Variants in ERC2 observed in about 807,000 individuals in gnomAD.
ERC2 encodes the protein ELKS/RAB6-interacting/CAST family member 2.
A neutral mutation model predicts 114.8 loss-of-function variants in ERC2; 42 were observed. That is an observed-to-expected ratio of 0.37 (90% CI 0.29 to 0.47). The LOEUF (loss-of-function observed/expected upper bound fraction) is 0.47. Ranked by LOEUF, ERC2 falls within the 20% of genes least tolerant of loss-of-function variation. The pLI is 0.99. For missense variants in ERC2, 939 were observed against 1,150.7 expected (o/e 0.82, Z 2.66); for synonymous variants, 454 against 425.5 (o/e 1.07, Z -0.82).
At position 55,985,962 on chromosome 3, in the gene ERC2, A is replaced by G. The variant is rs2070593223; in HGVS notation, c.2267+15T>C. The G allele has an allele frequency of 6.5e-7, 1 of 1,539,280 alleles. No individual in the cohort carries two copies. The highest frequency in any genetic ancestry group is 1.4e-5 in the African/African-American group (1 of 73,174). ...GGAGGGAAAGGCAGTTAGAAGAAAAACTGAAATTACTGACCTGAGAGTCAA... is the reference window on the plus strand; with the variant it reads ...GGAGGGAAAGGCAGTTAGAAGAAAAGCTGAAATTACTGACCTGAGAGTCAA... On this transcript the variant is annotated intron_variant, in intron 12 of 17. Coordinates refer to ENST00000288221, the MANE Select transcript of ERC2 (RefSeq NM_015576.3).
chr3:56,223,308 T>G (rs1446059108), intron 3 of ERC2, among the ~76,000 whole-genome samples: 1 of 152,156 alleles, frequency 6.6e-6, no homozygotes, highest in Non-Finnish European at 1.5e-5. Flanking sequence ...CTTGCTGGCA[T>G]TGTGGTGGGA....
chr3:56,238,325 T>C (rs2051100908), intron 3 of ERC2, among the ~76,000 whole-genome samples: 1 of 152,214 alleles, frequency 6.6e-6, no homozygotes, highest in South Asian at 2.1e-4. Context: ...CAGATAACTC[T>C]GTTGTCTCCC....
At chr3:56,051,069 T>C (rs564075156) in intron 7 of ERC2, among the ~76,000 whole-genome samples, 1 of 152,232 alleles carries the variant, frequency 6.6e-6, no homozygotes, top group East Asian at 1.9e-4. Context: ...GAAAAGTACT[T>C]TCTACCCAAC....
At chr3:56,253,024 C>T (rs971750600) in intron 3 of ERC2, among the ~76,000 whole-genome samples, 5 of 152,148 alleles carry the variant, frequency 3.3e-5, no homozygotes, top group African/African-American at 7.2e-5. Flanking sequence ...GTGGTCCTGG[C>T]TAAGTGGTCT....
At chr3:55,760,166 T>C (rs2067333748) in intron 14 of ERC2, among the ~76,000 whole-genome samples, 1 of 152,212 alleles carries the variant, frequency 6.6e-6, no homozygotes, top group African/African-American at 2.4e-5. Flanking sequence ...AAAGAACCTG[T>C]AATATCACAG....
At chr3:56,279,036 C>T (rs115237476) in intron 3 of ERC2, among the ~76,000 whole-genome samples, 3,321 of 152,266 alleles carry the variant, frequency 0.022, 43 homozygotes, top group South Asian at 0.063. Context: ...AATACTTGTA[C>T]TCAAGTTATG....
chr3:55,915,608 C>T (rs1040527241), intron 13 of ERC2, among the ~76,000 whole-genome samples: 1 of 152,118 alleles, frequency 6.6e-6, no homozygotes, highest in Non-Finnish European at 1.5e-5. Flanking sequence ...ACAATAACAT[C>T]CCATGGATCC....
chr3:56,065,763 T>C (rs1211887353), intron 7 of ERC2, among the ~76,000 whole-genome samples: 1 of 152,128 alleles, frequency 6.6e-6, no homozygotes, highest in Non-Finnish European at 1.5e-5. Flanking sequence ...TGTATTCCCA[T>C]TGTTAGCTCC....
At chr3:55,749,332 C>T (rs966058408) in intron 14 of ERC2, among the ~76,000 whole-genome samples, 10 of 152,276 alleles carry the variant, frequency 6.6e-5, no homozygotes, top group Admixed American at 5.2e-4. Context: ...CTCCACTGAC[C>T]AACAACAAAG....
intron 14 of ERC2, among the ~76,000 whole-genome samples, chr3:55,856,046 TGG>T (rs2061770619): frequency 6.6e-6 from 1 of 152,204 alleles, no homozygotes; most frequent in South Asian, 2.1e-4. Context: ...AGGCTCTTCT[TGG>T]CACCACTAAA....
At chr3:56,429,437 T>C (rs1342624419) in intron 2 of ERC2, among the ~76,000 whole-genome samples, 1 of 152,230 alleles carries the variant, frequency 6.6e-6, no homozygotes, top group African/African-American at 2.4e-5. Context: ...TATGGGTTCA[T>C]GGCATTCCAA....
At chr3:56,362,382 C>T (rs1467930769) in intron 2 of ERC2, among the ~76,000 whole-genome samples, 1 of 152,134 alleles carries the variant, frequency 6.6e-6, no homozygotes, top group Admixed American at 6.6e-5. Flanking sequence ...AGTGGTGGAA[C>T]AAGGGTACAT....
chr3:55,679,051 CA>C (rs1031939873), intron 17 of ERC2, among the ~76,000 whole-genome samples: 9 of 152,194 alleles, frequency 5.9e-5, no homozygotes, highest in African/African-American at 2.2e-4. Context: ...GGTTGTTCTA[CA>C]ACATAAATCA....
intron 12 of ERC2, among the ~76,000 whole-genome samples, chr3:55,968,725 A>G (rs2068932638): frequency 6.6e-6 from 1 of 152,212 alleles, no homozygotes; most frequent in South Asian, 2.1e-4. Context: ...GGTCTGTGTA[A>G]TTCTCATTAA....
At chr3:56,376,188 G>C (rs2059534144) in intron 2 of ERC2, among the ~76,000 whole-genome samples, 1 of 152,136 alleles carries the variant, frequency 6.6e-6, no homozygotes, top group Non-Finnish European at 1.5e-5. Flanking sequence ...AAATATTGTT[G>C]TTTAAAGTCA....
chr3:55,673,256 CAT>C, intron 17 of ERC2, among the ~76,000 whole-genome samples: 1 of 152,184 alleles, frequency 6.6e-6, no homozygotes, highest in Non-Finnish European at 1.5e-5. Context: ...ACAGGCTTGC[CAT>C]GAGTTTCCCA....
Position 55,716,232 on chromosome 3 carries a change from C to A in ERC2, c.2713-16720G>T, listed in dbSNP as rs186511010. 3.7e-3 allele frequency among the ~76,000 whole-genome samples: 563 copies of A among 152,304 alleles called. 1 individual carries two copies. Among genetic ancestry groups the A allele is most frequent in the Non-Finnish European group, 4.7e-3 (317 of 68,024 alleles). The stretch of plus-strand genomic sequence containing the variant: ...CCTCTCACTTTCCTTCTTTAACAAT[C>A]CACCTCCTCCCAGCTTCCCCCACAG... On this transcript the variant is annotated intron_variant, in intron 15 of 17. Transcript: ENST00000288221.
chr3:56,157,163 G>GT (rs2081774530), intron 4 of ERC2, among the ~76,000 whole-genome samples: 1 of 152,190 alleles, frequency 6.6e-6, no homozygotes, highest in Non-Finnish European at 1.5e-5. Context: ...ATAGAAGACA[G>GT]GAGGCCACAT....
chr3:55,938,242 G>C (rs1192043638), intron 13 of ERC2, among the ~76,000 whole-genome samples: 4 of 151,918 alleles, frequency 2.6e-5, no homozygotes, highest in Non-Finnish European at 5.9e-5. Flanking sequence ...AAAATATAGA[G>C]CTATGTCCTT....
Sources: gnomAD v4.1 joint callset for allele counts (sites outside exome capture counted in the v4.1 genomes callset) on GRCh38, gnomAD v4.1.1 for gene constraint, MANE v1.5 for transcripts, NCBI Gene and HGNC (gene_info 2026-07-23, HGNC 2026-07-21) for gene names.